The following FAM124A variants were observed in gnomAD, a reference collection of about 807,000 sequenced individuals.
FAM124A encodes the protein protein FAM124A.
FAM124A carries 23 observed loss-of-function variants against 24.5 expected under a neutral mutation model. That is an observed-to-expected ratio of 0.94 (90% CI 0.68 to 1.33). The LOEUF (loss-of-function observed/expected upper bound fraction) is 1.33. Ranked by LOEUF, FAM124A falls within the 40% of genes most tolerant of loss-of-function variation. The probability of loss-of-function intolerance (pLI) is 0.00; values close to 1 mark genes in which losing one functional copy is unlikely to be tolerated. For missense variants in FAM124A, 623 were observed against 722.8 expected (o/e 0.86, Z 1.58); for synonymous variants, 287 against 314.7 (o/e 0.91, Z 0.93).
intron 2 of FAM124A, among the ~76,000 whole-genome samples, chr13:51,232,535 A>G (rs1954388933): frequency 6.6e-6 from 1 of 152,248 alleles, no homozygotes; most frequent in Admixed American, 6.5e-5. Context: ...TTTGTAATTT[A>G]GTGTCAAATT....
chr13:51,233,476 TTA>T (rs1593586871), intron 2 of FAM124A, among the ~76,000 whole-genome samples: 1 of 152,176 alleles, frequency 6.6e-6, no homozygotes, highest in African/African-American at 2.4e-5. Flanking sequence ...CTGAAAAATG[TTA>T]TGTTTTCTTT....
chr13:51,250,237 A>G (rs894560119), intron 2 of FAM124A, among the ~76,000 whole-genome samples: 8 of 152,218 alleles, frequency 5.3e-5, no homozygotes, highest in Non-Finnish European at 8.8e-5. Context: ...TCTGAAAAGC[A>G]CACCACATTG....
Position 51,232,251 on chromosome 13 carries a change from G to C in FAM124A, c.100+872G>C, listed in dbSNP as rs185726810. ...ATGCCTCATAACTAGAAAGAATTGAGAGTGATTAAGATTACTACATAAATG... is the reference window on the plus strand; with the variant it reads ...ATGCCTCATAACTAGAAAGAATTGACAGTGATTAAGATTACTACATAAATG... On this transcript the variant is annotated intron_variant, in intron 2 of 3. Transcript: ENST00000322475. Among the ~76,000 whole-genome samples the C allele has an allele frequency of 3.5e-3, 530 of 152,254 alleles. 5 individuals carry two copies. The highest frequency in any genetic ancestry group is 5.9e-3 in the Non-Finnish European group (402 of 68,010).
intron 3 of FAM124A, among the ~76,000 whole-genome samples, chr13:51,266,797 T>C (rs577147702): frequency 2.6e-5 from 4 of 152,314 alleles, no homozygotes; most frequent in African/African-American, 9.6e-5. Flanking sequence ...TCTGCTACTG[T>C]AGTTAATCCT....
chr13:51,245,390 G>A (rs770768549), intron 2 of FAM124A: 6 of 686,712 alleles, frequency 8.7e-6, no homozygotes, highest in East Asian at 2.8e-5. Flanking sequence ...GGAAGATGGA[G>A]CCTCCAGGTT....
chr13:51,268,574 G>A (rs945211395), intron 3 of FAM124A, among the ~76,000 whole-genome samples: 11 of 152,194 alleles, frequency 7.2e-5, no homozygotes, highest in African/African-American at 2.7e-4. Context: ...TAGGTGGCAG[G>A]ATCAGGGTCC....
intron 2 of FAM124A, among the ~76,000 whole-genome samples, chr13:51,238,562 TGAGAGTGG>T (rs1218285801): frequency 5.3e-5 from 8 of 152,258 alleles, no homozygotes; most frequent in African/African-American, 1.9e-4. Flanking sequence ...GTTTATCCAT[TGAGAGTGG>T]TTTATTCTAA....
At chr13:51,243,163 C>T (rs1196638740) in intron 2 of FAM124A, among the ~76,000 whole-genome samples, 7 of 152,210 alleles carry the variant, frequency 4.6e-5, no homozygotes, top group South Asian at 2.1e-4. Flanking sequence ...AGTCTCGCCA[C>T]TTTCACAGCC....
intron 3 of FAM124A, among the ~76,000 whole-genome samples, chr13:51,261,985 G>A (rs571292309): frequency 6.6e-6 from 1 of 152,232 alleles, no homozygotes; most frequent in Non-Finnish European, 1.5e-5. Context: ...AGCTGGTTCC[G>A]ATTGTTCTGT....
At chr13:51,274,070 C>T (rs763045970) in intron 3 of FAM124A, among the ~76,000 whole-genome samples, 17 of 152,192 alleles carry the variant, frequency 1.1e-4, no homozygotes, top group Admixed American at 1.3e-4. Flanking sequence ...GCGCTAGCTC[C>T]GGGTCCTCAG....
At chr13:51,246,299 G>C (rs1263717653) in intron 2 of FAM124A, among the ~76,000 whole-genome samples, 1 of 151,236 alleles carries the variant, frequency 6.6e-6, no homozygotes, top group Non-Finnish European at 1.5e-5. Context: ...TTTCTCCAGG[G>C]AGGCATAGAG....
intron 3 of FAM124A, among the ~76,000 whole-genome samples, chr13:51,268,192 G>A (rs1954807490): frequency 6.6e-6 from 1 of 152,190 alleles, no homozygotes; most frequent in South Asian, 2.1e-4. Context: ...TTTCTTAATA[G>A]CATGAGTTGG....
chr13:51,272,669 C>G lies in FAM124A; in HGVS notation c.835-7781C>G, dbSNP rs1031496929. Among the ~76,000 whole-genome samples the G allele has an allele frequency of 1.3e-4, 20 of 151,122 alleles. No homozygotes were observed. The highest frequency in any genetic ancestry group is 5.9e-5 in the Non-Finnish European group (4 of 68,030). Reference sequence around the variant, plus strand: ...AAAGCTTACTCTCTGGAAAGATGGACCAGGGACCTAGACCACAGGACACCA... The same window carrying G: ...AAAGCTTACTCTCTGGAAAGATGGAGCAGGGACCTAGACCACAGGACACCA... On this transcript the variant is annotated intron_variant, in intron 3 of 3. Transcript: ENST00000322475. This position sits in a 1 kb window ranked among gnomAD's most constrained non-coding sequence, Gnocchi z 4.2.
At chr13:51,275,138 C>T (rs557172060) in intron 3 of FAM124A, among the ~76,000 whole-genome samples, 1 of 148,936 alleles carries the variant, frequency 6.7e-6, no homozygotes, top group South Asian at 2.1e-4. Flanking sequence ...TTTGGGAGGC[C>T]AAGGCAGGAG....
At chr13:51,263,781 A>T (rs1954759470) in intron 3 of FAM124A, among the ~76,000 whole-genome samples, 1 of 152,234 alleles carries the variant, frequency 6.6e-6, no homozygotes, top group African/African-American at 2.4e-5. Context: ...GTCTAAAAAA[A>T]TTTCAGTGAA....
At chr13:51,231,577 T>C (rs796202450) in intron 2 of FAM124A, among the ~76,000 whole-genome samples, 198 bp downstream of exon 2, 1 of 152,208 alleles carries the variant, frequency 6.6e-6, no homozygotes, top group South Asian at 2.1e-4. Flanking sequence ...AAATTCAGCC[T>C]GAAGGATGTA....
intron 3 of FAM124A, among the ~76,000 whole-genome samples, chr13:51,278,535 G>A (rs1271993140): frequency 6.6e-6 from 1 of 152,200 alleles, no homozygotes; most frequent in East Asian, 1.9e-4. Flanking sequence ...GGCCTCAGGA[G>A]CGATGTGGAG....
chr13:51,267,381 A>T lies in FAM124A; in HGVS notation c.835-13069A>T, dbSNP rs544021066. ...TGTCATTTTAGTTTGATCCTAGTAT[A>T]TTGCTTATCTGAAATACTTGTAGGA... is the stretch of plus-strand genomic sequence containing the variant. On this transcript the variant is annotated intron_variant, in intron 3 of 3. Coordinates refer to ENST00000322475, the MANE Select transcript of FAM124A (RefSeq NM_001242312.2). Among the ~76,000 whole-genome samples the T allele has an allele frequency of 3.1e-4, 47 of 152,294 alleles. 1 individual carries two copies. In the South Asian group the frequency reaches 9.1e-3, roughly 30 times the overall value.
At position 51,252,215 on chromosome 13, in the gene FAM124A, G is replaced by A. The variant is rs757705406; in HGVS notation, c.834+14G>A. On this transcript the variant is annotated intron_variant, in intron 3 of 3. Coordinates refer to ENST00000322475, the MANE Select transcript of FAM124A (RefSeq NM_001242312.2). ...ATCCTCCTACAGGTACTGGGGGGAC[G>A]CCTGTCTGTCTGTTTAGGGGACCTG... The A allele has an allele frequency of 4.4e-6, 7 of 1,608,312 alleles. No individual in the cohort carries two copies. The highest frequency in any genetic ancestry group is 2.2e-5 in the East Asian group (1 of 44,782).
Sources: gnomAD v4.1 joint callset for allele counts (sites outside exome capture counted in the v4.1 genomes callset) on GRCh38, gnomAD v4.1.1 for gene constraint, Gnocchi (gnomAD v3.1) non-coding constraint, MANE v1.5 for transcripts, NCBI Gene and HGNC (gene_info 2026-07-23, HGNC 2026-07-21) for gene names.